LSAMP: variants seen among roughly 807,000 people sequenced by gnomAD.
LSAMP encodes limbic system associated membrane protein.
A neutral mutation model predicts 38.6 loss-of-function variants in LSAMP; 7 were observed. That is an observed-to-expected ratio of 0.18 (90% CI 0.10 to 0.34). The LOEUF (loss-of-function observed/expected upper bound fraction) is 0.34, where lower values mean the gene tolerates loss of function less well. LSAMP is among the 10% of genes least tolerant of loss of function. The probability of loss-of-function intolerance (pLI) is 1.00; values close to 1 mark genes in which losing one functional copy is unlikely to be tolerated. For missense variants in LSAMP, 313 were observed against 420.0 expected, an observed-to-expected ratio of 0.75 and a Z score of 2.23; for synonymous variants, 154 against 166.8, an observed-to-expected ratio of 0.92 and a Z score of 0.59.
intron 3 of LSAMP, among the ~76,000 whole-genome samples, chr3:115,922,026 T>G (rs1937394247): frequency 6.6e-6 from 1 of 152,192 alleles, no homozygotes; most frequent in South Asian, 2.1e-4. Flanking sequence ...AATGCCTTGG[T>G]GTGAATTTTT....
At chr3:116,035,078 T>C (rs925168393) in intron 2 of LSAMP, among the ~76,000 whole-genome samples, 1 of 152,136 alleles carries the variant, frequency 6.6e-6, no homozygotes, top group African/African-American at 2.4e-5. Flanking sequence ...GTTATGTAAG[T>C]GAAAAAGATT....
At chr3:116,403,260 G>A (rs1241743893) in intron 1 of LSAMP, among the ~76,000 whole-genome samples, 3 of 152,064 alleles carry the variant, frequency 2.0e-5, no homozygotes, top group African/African-American at 7.2e-5. Flanking sequence ...TTTTCTACGT[G>A]GCATTTGCTT....
intron 1 of LSAMP, among the ~76,000 whole-genome samples, chr3:116,095,987 T>G (rs893497455): frequency 2.0e-5 from 3 of 152,202 alleles, no homozygotes; most frequent in Non-Finnish European, 4.4e-5. Flanking sequence ...CATCACATAC[T>G]TGCTCTGTGG....
At chr3:116,435,189 T>G (rs559300680) in intron 1 of LSAMP, among the ~76,000 whole-genome samples, 1 of 152,304 alleles carries the variant, frequency 6.6e-6, no homozygotes, top group African/African-American at 2.4e-5. Flanking sequence ...TGGGTTACTA[T>G]AGCTTTGGTA....
intron 1 of LSAMP, among the ~76,000 whole-genome samples, chr3:116,436,410 C>A (rs1330452669): frequency 6.6e-6 from 1 of 152,168 alleles, no homozygotes; most frequent in East Asian, 1.9e-4. Context: ...AGCAAACAGA[C>A]AACCCACAGA....
At position 116,086,550 on chromosome 3, in the gene LSAMP, A is replaced by G. The variant is rs1032703260; in HGVS notation, c.162T>C (p.Val54=). 1.2e-5 allele frequency: 20 copies of G among 1,613,698 alleles called. No homozygotes were observed. In the Admixed American group the frequency reaches 2.2e-4, roughly 17 times the overall value. The change falls in exon 2 of 7, where the codon GTT becomes GTC. Residue 54 remains valine (V), a synonymous_variant. Transcript: ENST00000490035. The stretch of plus-strand genomic sequence containing the variant: ...CCACCTTTGAGTTCTTGTCTTCTAC[A>G]ACGCACCTGACAGAGCAGAGTAACA... ...RQGDTAILRC[V]VEDKNSKVAW... is the part of the protein sequence containing the mutation.
At chr3:116,005,620 A>C (rs1046579725) in intron 3 of LSAMP, among the ~76,000 whole-genome samples, 1 of 152,206 alleles carries the variant, frequency 6.6e-6, no homozygotes, top group Non-Finnish European at 1.5e-5. Flanking sequence ...CCTGCTGTGG[A>C]GAGCTTAGAG....
intron 1 of LSAMP, among the ~76,000 whole-genome samples, chr3:116,391,984 A>C (rs2048706703): frequency 1.3e-5 from 2 of 152,150 alleles, no homozygotes; most frequent in African/African-American, 4.8e-5. Context: ...TCCACTCCCA[A>C]AGGCACCCCA....
chr3:116,197,163 A>ACT lies in LSAMP; in HGVS notation c.156-110609_156-110608dup, dbSNP rs1553712533. Among the ~76,000 whole-genome samples the ACT allele has an allele frequency of 8.9e-3, 1,234 of 139,148 alleles. 18 individuals are homozygous for ACT. The highest frequency in any genetic ancestry group is 0.03 in the African/African-American group (1,163 of 38,754). The allele number at this position is 139,148 out of a possible 152,430, so 91.3% of individuals were successfully genotyped here. ...CACACACACACACACACACACACACACTCTCTCTCTCTCTCACTCACTTTG... is the reference window on the plus strand; with the variant it reads ...CACACACACACACACACACACACACACTCTCTCTCTCTCTCTCACTCACTTTG... On this transcript the variant is annotated intron_variant, in intron 1 of 6. Coordinates refer to ENST00000490035, the MANE Select transcript of LSAMP (RefSeq NM_002338.5).
chr3:116,314,404 G>A (rs942555983), intron 1 of LSAMP, among the ~76,000 whole-genome samples: 2 of 152,188 alleles, frequency 1.3e-5, no homozygotes, highest in African/African-American at 4.8e-5. Context: ...GAACTCATAG[G>A]CTGGTGGGAA....
rs974449596 is a variant in LSAMP, at chr3:115,807,752, A to G, written c.*2565T>C. ...GGGAATGCTTATTATTAAAGATGAT[A>G]CCCTTTATTCTTGAACTAAGAAGAC... On this transcript the variant is annotated 3_prime_UTR_variant, in exon 7 of 7. Coordinates refer to ENST00000490035, the MANE Select transcript of LSAMP (RefSeq NM_002338.5). The G allele has an allele frequency of 3.9e-5, 6 of 152,200 alleles. No individual in the cohort carries two copies. Among genetic ancestry groups the G allele is most frequent in the African/African-American group, 1.4e-4 (6 of 41,432 alleles). 9.4% of individuals were successfully genotyped at this position (152,200 alleles called of 1,614,324 possible).
At chr3:116,209,506 T>C (rs1294871280) in intron 1 of LSAMP, among the ~76,000 whole-genome samples, 1 of 152,210 alleles carries the variant, frequency 6.6e-6, no homozygotes, top group Admixed American at 6.5e-5. Context: ...CCAGTCTTTT[T>C]GAATATGCTG....
chr3:115,964,282 C>T (rs1262859820), intron 3 of LSAMP, among the ~76,000 whole-genome samples: 1 of 152,138 alleles, frequency 6.6e-6, no homozygotes, highest in Non-Finnish European at 1.5e-5. Flanking sequence ...TTGAATCTCA[C>T]ATATCAACTA....
chr3:116,260,138 C>T (rs2046805481), intron 1 of LSAMP, among the ~76,000 whole-genome samples: 1 of 152,010 alleles, frequency 6.6e-6, no homozygotes, highest in Admixed American at 6.6e-5. Flanking sequence ...TTGTCTTTTT[C>T]TAAGGAAAGG....
Position 115,807,489 on chromosome 3 carries a change from G to T in LSAMP, c.*2828C>A, listed in dbSNP as rs374855815. ...GGCAGACATTTATTTCAATGGAGAA[G>T]TTCCTCCCATGAAACCAAGACCTTG... On this transcript the variant is annotated 3_prime_UTR_variant, in exon 7 of 7. Transcript: ENST00000490035. The T allele has an allele frequency of 2.0e-5, 3 of 152,146 alleles. No individual in the cohort carries two copies. In the East Asian group the frequency reaches 5.8e-4, roughly 29 times the overall value. The allele number at this position is 152,146 out of a possible 1,614,324, so 9.4% of individuals were successfully genotyped here.
chr3:116,153,594 T>C (rs1433747708), intron 1 of LSAMP, among the ~76,000 whole-genome samples: 6 of 152,162 alleles, frequency 3.9e-5, no homozygotes, highest in African/African-American at 1.4e-4. Flanking sequence ...TAAAGAAGAA[T>C]TGGCATTAGA....
At position 116,445,273 on chromosome 3, in the gene LSAMP, A is replaced by G. The variant is rs2049496143; in HGVS notation, c.-242T>C. 4 of 589,092 alleles carry G rather than the reference A, an allele frequency of 6.8e-6. No individual in the cohort carries two copies. In the East Asian group the frequency reaches 1.1e-4, roughly 17 times the overall value. The allele number at this position is 589,092 out of a possible 1,614,324, so 36.5% of individuals were successfully genotyped here. On this transcript the variant is annotated 5_prime_UTR_variant, in exon 1 of 7. Transcript: ENST00000490035. ...TGAAAAGTAAAAGCAACACAATTTC[A>G]AAAGAGAGAGTGCAAATAGCAAGCC...
chr3:116,200,510 C>T (rs766281929), intron 1 of LSAMP, among the ~76,000 whole-genome samples: 3 of 152,168 alleles, frequency 2.0e-5, no homozygotes, highest in Non-Finnish European at 4.4e-5. Flanking sequence ...CAAAGTCTAG[C>T]TTGCCAGACT....
chr3:116,149,891 C>T (rs1709574271), intron 1 of LSAMP, among the ~76,000 whole-genome samples: 1 of 151,944 alleles, frequency 6.6e-6, no homozygotes, highest in African/African-American at 2.4e-5. Flanking sequence ...CCTTGTATAT[C>T]CTTACCCGTA....
Sources: allele counts gnomAD v4.1 joint callset (sites outside exome capture counted in the v4.1 genomes callset), GRCh38; gene constraint gnomAD v4.1.1; transcripts MANE v1.5; gene names NCBI Gene and HGNC (gene_info 2026-07-23, HGNC 2026-07-21).